Variants in LHFPL3 observed in about 807,000 individuals in gnomAD.
The protein encoded by LHFPL3 is LHFPL tetraspan subfamily member 3.
Under a neutral mutation model 19.3 loss-of-function variants are expected in LHFPL3, and 5 were observed. The ratio of observed to expected loss-of-function variants is 0.26; its 90% confidence interval spans 0.14 to 0.54. The LOEUF is 0.54. Ranked by LOEUF, LHFPL3 falls within the 20% of genes least tolerant of loss-of-function variation. LHFPL3 has a pLI of 0.94. For missense variants in LHFPL3, 249 were observed against 307.4 expected (o/e 0.81, Z 1.42); for synonymous variants, 133 against 126.2 (o/e 1.05, Z -0.36).
rs541002140 is a variant in LHFPL3, at chr7:104,817,812, T to TCATCAAC, written c.682+80902_682+80908dup. Among the ~76,000 whole-genome samples the TCATCAAC allele has an allele frequency of 1.3e-3, 202 of 152,300 alleles. 4 individuals are homozygous for TCATCAAC. Among genetic ancestry groups the TCATCAAC allele is most frequent in the Admixed American group, 5.5e-3 (84 of 15,304 alleles). On this transcript the variant is annotated intron_variant, in intron 2 of 2. Transcript: ENST00000424859. Reference sequence around the variant, plus strand: ...CACACAGTCCCTCCCTCATACCACATCATCAACTGTCTTTTGAAATCCTCC... The same window carrying TCATCAAC: ...CACACAGTCCCTCCCTCATACCACATCATCAACCATCAACTGTCTTTTGAAATCCTCC...
intron 1 of LHFPL3, among the ~76,000 whole-genome samples, chr7:104,512,188 CAA>C (rs1292016154): frequency 2.0e-5 from 3 of 151,966 alleles, no homozygotes; most frequent in African/African-American, 7.2e-5. Flanking sequence ...GTCCCAGCCT[CAA>C]GTGATCCACC....
chr7:104,580,410 G>A (rs906902816), intron 1 of LHFPL3, among the ~76,000 whole-genome samples: 3 of 152,052 alleles, frequency 2.0e-5, no homozygotes, highest in Non-Finnish European at 4.4e-5. Flanking sequence ...CTAGATTCTA[G>A]AATTGTTGAC....
rs1188725548 is a variant in LHFPL3, at chr7:104,490,808, T to C, written c.445+161584T>C. Reference sequence around the variant, plus strand: ...ATATGAAAACTGAGGCTTCTCTATCTAATAGCACTCTCTGGAATTCACTAT... The same window carrying C: ...ATATGAAAACTGAGGCTTCTCTATCCAATAGCACTCTCTGGAATTCACTAT... On this transcript the variant is annotated intron_variant, in intron 1 of 2. Coordinates refer to ENST00000424859, the MANE Select transcript of LHFPL3 (RefSeq NM_199000.3). Among the ~76,000 whole-genome samples the C allele has an allele frequency of 3.3e-5, 5 of 152,218 alleles. No homozygotes were observed. In the East Asian group the frequency reaches 9.6e-4, roughly 29 times the overall value.
intron 1 of LHFPL3, among the ~76,000 whole-genome samples, chr7:104,351,067 G>A (rs1241276418): frequency 6.6e-6 from 1 of 151,198 alleles, no homozygotes; most frequent in African/African-American, 2.4e-5. Context: ...GAAAGAAAAG[G>A]TCTCTTCGAC....
At chr7:104,375,104 C>T (rs1790685234) in intron 1 of LHFPL3, among the ~76,000 whole-genome samples, 1 of 152,176 alleles carries the variant, frequency 6.6e-6, no homozygotes, top group South Asian at 2.1e-4. Flanking sequence ...TTTGGGAGGC[C>T]AAGGCGGGCG....
intron 2 of LHFPL3, among the ~76,000 whole-genome samples, chr7:104,868,361 G>A (rs1414372895): frequency 6.6e-6 from 1 of 152,180 alleles, no homozygotes; most frequent in Non-Finnish European, 1.5e-5. Context: ...TCCTTAAGCT[G>A]ATAGGCAACT....
At chr7:104,856,885 T>C (rs1045468231) in intron 2 of LHFPL3, among the ~76,000 whole-genome samples, 1 of 152,184 alleles carries the variant, frequency 6.6e-6, no homozygotes, top group Non-Finnish European at 1.5e-5. Flanking sequence ...TTATGAGCAT[T>C]GATACCCTGC....
intron 1 of LHFPL3, among the ~76,000 whole-genome samples, chr7:104,638,060 T>C (rs1334765907): frequency 6.6e-6 from 1 of 152,200 alleles, no homozygotes. Context: ...TCATCTATGA[T>C]TTCTTTGAGT....
chr7:104,419,623 G>A (rs1209127698), intron 1 of LHFPL3, among the ~76,000 whole-genome samples: 1 of 152,152 alleles, frequency 6.6e-6, no homozygotes, highest in Non-Finnish European at 1.5e-5. Flanking sequence ...TAGACATACC[G>A]GTTTTCGAGG....
chr7:104,754,627 A>G (rs1258205614), intron 2 of LHFPL3, among the ~76,000 whole-genome samples: 1 of 152,240 alleles, frequency 6.6e-6, no homozygotes, highest in Non-Finnish European at 1.5e-5. Flanking sequence ...CTCAGTGCTT[A>G]ATATATAATT....
intron 2 of LHFPL3, among the ~76,000 whole-genome samples, chr7:104,807,415 G>A (rs1037476425): frequency 1.3e-5 from 2 of 152,164 alleles, no homozygotes; most frequent in Non-Finnish European, 2.9e-5. Context: ...AGAACTGTTA[G>A]ACGATAAATT....
chr7:104,526,850 A>T (rs945816448), intron 1 of LHFPL3, among the ~76,000 whole-genome samples: 1 of 152,212 alleles, frequency 6.6e-6, no homozygotes, highest in Admixed American at 6.5e-5. Flanking sequence ...CCCTATTCCA[A>T]TAATGAAGAA....
At position 104,725,460 on chromosome 7, in the gene LHFPL3, A is replaced by G. The variant is rs77494597; in HGVS notation, c.446-11215A>G. Among the ~76,000 whole-genome samples, 133 of 152,158 alleles carry G rather than the reference A, an allele frequency of 8.7e-4. No homozygotes were observed. The East Asian group carries it at 9.5e-3, about 11-fold the overall frequency. ...AATATTCAGTTTTCTTTTTTTCTTT[A>G]TAAGAAATTAATTTTCTCACAAATA... On this transcript the variant is annotated intron_variant, in intron 1 of 2. Transcript: ENST00000424859.
intron 1 of LHFPL3, among the ~76,000 whole-genome samples, chr7:104,472,096 G>A (rs1045221999): frequency 6.6e-6 from 1 of 151,598 alleles, no homozygotes; most frequent in African/African-American, 2.4e-5. Context: ...AGGATCACTT[G>A]AGCCCAGGAG....
intron 1 of LHFPL3, among the ~76,000 whole-genome samples, chr7:104,541,147 C>CACAA (rs1794479320): frequency 6.9e-6 from 1 of 145,058 alleles, no homozygotes; most frequent in African/African-American, 2.6e-5. Flanking sequence ...CACACACACA[C>CACAA]AACCCTGTGG....
chr7:104,735,732 C>A (rs1250045510), intron 1 of LHFPL3, among the ~76,000 whole-genome samples: 1 of 152,216 alleles, frequency 6.6e-6, no homozygotes, highest in Non-Finnish European at 1.5e-5. Flanking sequence ...TCTGACAAGC[C>A]CCAGTGAGAT....
At chr7:104,619,999 C>T (rs1791415513) in intron 1 of LHFPL3, among the ~76,000 whole-genome samples, 2 of 152,170 alleles carry the variant, frequency 1.3e-5, no homozygotes, top group Admixed American at 6.5e-5. Flanking sequence ...CTATGAGAAT[C>T]TAATACTGCC....
intron 1 of LHFPL3, among the ~76,000 whole-genome samples, chr7:104,373,295 T>TA (rs1790648729): frequency 6.6e-6 from 1 of 152,240 alleles, no homozygotes; most frequent in Non-Finnish European, 1.5e-5. Flanking sequence ...TAGTCTTTCT[T>TA]ATATGCAGAG....
chr7:104,608,994 T>C lies in LHFPL3; in HGVS notation c.446-127681T>C, dbSNP rs1481226649. 2.0e-5 allele frequency among the ~76,000 whole-genome samples: 3 copies of C among 152,286 alleles called. No individual in the cohort carries two copies. In the East Asian group the frequency reaches 5.8e-4, roughly 29 times the overall value. On this transcript the variant is annotated intron_variant, in intron 1 of 2. Coordinates refer to ENST00000424859, the MANE Select transcript of LHFPL3 (RefSeq NM_199000.3). ...AGTAAATGTTAGCCACGGCCAGGCA[T>C]GGTGGCTCACGCCTGTAATCCCAGC...
Sources: gnomAD v4.1 joint callset for allele counts (sites outside exome capture counted in the v4.1 genomes callset) on GRCh38, gnomAD v4.1.1 for gene constraint, MANE v1.5 for transcripts, NCBI Gene and HGNC (gene_info 2026-07-23, HGNC 2026-07-21) for gene names.